The following NLGN1 variants were observed in gnomAD, a reference collection of about 807,000 sequenced individuals.
The protein encoded by NLGN1 is neuroligin-1.
NLGN1 carries 12 observed loss-of-function variants against 65.5 expected under a neutral mutation model. The observed-to-expected ratio is 0.18, with a 90% CI of 0.12 to 0.30. The LOEUF (loss-of-function observed/expected upper bound fraction) is 0.30, where lower values mean the gene tolerates loss of function less well. Ranked by LOEUF, NLGN1 falls within the 10% of genes least tolerant of loss-of-function variation. The pLI is 1.00. For synonymous variants in NLGN1, 350 were observed against 359.5 expected, an observed-to-expected ratio of 0.97 and a Z score of 0.30; for missense variants, 750 against 1,007.1, an observed-to-expected ratio of 0.74 and a Z score of 3.46.
intron 3 of NLGN1, among the ~76,000 whole-genome samples, chr3:173,634,283 T>C (rs1756219206): frequency 6.6e-6 from 1 of 152,084 alleles, no homozygotes. Flanking sequence ...AAAAGAAAAT[T>C]ATTTAAAATG....
intron 4 of NLGN1, among the ~76,000 whole-genome samples, chr3:173,979,639 T>C (rs1718321459): frequency 6.6e-6 from 1 of 152,144 alleles, no homozygotes; most frequent in Non-Finnish European, 1.5e-5. Flanking sequence ...GGTATAACAT[T>C]AATAGCATAT....
chr3:173,518,558 G>A (rs568499651), intron 2 of NLGN1, among the ~76,000 whole-genome samples: 1 of 151,664 alleles, frequency 6.6e-6, no homozygotes, highest in Admixed American at 6.6e-5. Flanking sequence ...ATGCATGTGT[G>A]TGTGTGTGGT....
intron 4 of NLGN1, among the ~76,000 whole-genome samples, chr3:174,225,730 CAA>C (rs746747895): frequency 4.9e-5 from 5 of 102,362 alleles, no homozygotes; most frequent in Non-Finnish European, 4.2e-5. Flanking sequence ...GACTCCGTCT[CAA>C]AAAAAAAAAA....
chr3:173,554,848 G>T lies in NLGN1; in HGVS notation c.-320-49431G>T, dbSNP rs139564277. On this transcript the variant is annotated intron_variant, in intron 2 of 6. Coordinates refer to ENST00000457714, the Ensembl canonical transcript of NLGN1. ...TAATTTTAGGTTCATTTATTATGAA[G>T]AAGTTATATATTCTCATAAGTACTG... 1.1e-3 allele frequency among the ~76,000 whole-genome samples: 166 copies of T among 152,260 alleles called. 1 individual carries two copies. Among genetic ancestry groups the T allele is most frequent in the Middle Eastern group, 3.4e-3 (1 of 294 alleles).
chr3:173,735,389 A>G (rs1345273767), intron 3 of NLGN1, among the ~76,000 whole-genome samples: 1 of 152,148 alleles, frequency 6.6e-6, no homozygotes, highest in African/African-American at 2.4e-5. Context: ...GAATTTATAG[A>G]GAAGAGAAGA....
intron 4 of NLGN1, among the ~76,000 whole-genome samples, chr3:173,821,663 A>T (rs180801006): frequency 1.6e-4 from 24 of 152,204 alleles, no homozygotes; most frequent in African/African-American, 5.3e-4. Flanking sequence ...TCTACAATTC[A>T]TATTTGGATT....
intron 4 of NLGN1, among the ~76,000 whole-genome samples, chr3:173,842,172 C>G (rs6801939): frequency 0.089 from 13,480 of 152,150 alleles, 1,344 homozygotes; most frequent in African/African-American, 0.25. Flanking sequence ...TTTCATGAGA[C>G]TCATTCACTT....
chr3:173,999,281 AT>A (rs1428192213), intron 4 of NLGN1, among the ~76,000 whole-genome samples: 1 of 152,118 alleles, frequency 6.6e-6, no homozygotes, highest in Non-Finnish European at 1.5e-5. Flanking sequence ...CACAAGAACA[AT>A]TTGCCCCAAA....
chr3:174,262,586 A>G (rs1283418462), intron 4 of NLGN1, among the ~76,000 whole-genome samples: 1 of 148,770 alleles, frequency 6.7e-6, no homozygotes, highest in Admixed American at 6.7e-5. Context: ...TTTTTTCTTT[A>G]TTAGTCTTGC....
At chr3:174,030,470 T>G (rs1286505720) in intron 4 of NLGN1, among the ~76,000 whole-genome samples, 1 of 152,166 alleles carries the variant, frequency 6.6e-6, no homozygotes, top group Non-Finnish European at 1.5e-5. Context: ...AGACTCAGTA[T>G]CTTGCCCAAA....
intron 4 of NLGN1, among the ~76,000 whole-genome samples, chr3:173,810,572 A>G (rs1240389574): frequency 1.3e-5 from 2 of 152,188 alleles, no homozygotes; most frequent in African/African-American, 2.4e-5. Context: ...AGGTAGTGCA[A>G]TCTGTGTTGA....
chr3:173,834,037 CTT>C (rs1723120227), intron 4 of NLGN1, among the ~76,000 whole-genome samples: 1 of 151,950 alleles, frequency 6.6e-6, no homozygotes, highest in Non-Finnish European at 1.5e-5. Context: ...GAAAATAAGA[CTT>C]ACTTTGGTAC....
intron 1 of NLGN1, among the ~76,000 whole-genome samples, chr3:173,432,222 C>T (rs1717316244): frequency 6.6e-6 from 1 of 152,186 alleles, no homozygotes; most frequent in Non-Finnish European, 1.5e-5. Flanking sequence ...CGTAAGTTTT[C>T]AACTTCTTTG....
chr3:174,203,843 C>T lies in NLGN1; in HGVS notation c.647-71472C>T, dbSNP rs189262642. 2.9e-3 allele frequency among the ~76,000 whole-genome samples: 438 copies of T among 152,142 alleles called. 2 individuals are homozygous for T. Among genetic ancestry groups the T allele is most frequent in the Non-Finnish European group, 3.9e-3 (264 of 68,002 alleles). ...TTATTAGAAACTTAATCCAATCATT[C>T]CTTATTAAAAAAAGATTTCCATAGC... On this transcript the variant is annotated intron_variant, in intron 4 of 6. Coordinates refer to ENST00000457714, the Ensembl canonical transcript of NLGN1.
chr3:173,614,114 A>G (rs1415842383), intron 3 of NLGN1, among the ~76,000 whole-genome samples: 2 of 150,814 alleles, frequency 1.3e-5, no homozygotes, highest in African/African-American at 2.4e-5. Context: ...AAGTGCTCAC[A>G]TTTTCTTTTC....
chr3:173,499,235 G>A (rs1485137875), intron 2 of NLGN1, among the ~76,000 whole-genome samples: 1 of 151,806 alleles, frequency 6.6e-6, no homozygotes, highest in Non-Finnish European at 1.5e-5. Context: ...TTTTGTATAA[G>A]GTATAAGGAA....
chr3:173,830,014 G>GC (rs1560454316), intron 4 of NLGN1, among the ~76,000 whole-genome samples: 1 of 144,582 alleles, frequency 6.9e-6, no homozygotes, highest in Non-Finnish European at 1.5e-5. Flanking sequence ...GTGTGGGGGG[G>GC]GGAGGGAGAG....
At chr3:173,707,527 G>A (rs1176738080) in intron 3 of NLGN1, among the ~76,000 whole-genome samples, 3 of 151,828 alleles carry the variant, frequency 2.0e-5, no homozygotes, top group Non-Finnish European at 2.9e-5. Flanking sequence ...TTACAAATAA[G>A]ATTTCTGAAT....
chr3:174,165,663 T>C (rs1276764037), intron 4 of NLGN1, among the ~76,000 whole-genome samples: 1 of 152,108 alleles, frequency 6.6e-6, no homozygotes, highest in Non-Finnish European at 1.5e-5. Flanking sequence ...AGTTTTCTTT[T>C]TCCACTGTGT....
Sources: allele counts gnomAD v4.1 joint callset (sites outside exome capture counted in the v4.1 genomes callset), GRCh38; gene constraint gnomAD v4.1.1; transcripts MANE v1.5; gene names NCBI Gene and HGNC (gene_info 2026-07-23, HGNC 2026-07-21).